Variants in ADH4 observed in about 807,000 individuals in gnomAD.
ADH4 encodes the protein all-trans-retinol dehydrogenase [NAD(+)] ADH4.
In ADH4, 31 loss-of-function variants were observed where a neutral mutation model predicts 35.2. The observed-to-expected ratio is 0.88, with a 90% CI of 0.66 to 1.19. ADH4 has a LOEUF of 1.19. Among genes scored for constraint, ADH4 ranks in the 50% most tolerant of loss-of-function variants. The probability of loss-of-function intolerance (pLI) is 0.00; values close to 1 mark genes in which losing one functional copy is unlikely to be tolerated. For missense variants in ADH4, 476 were observed against 458.3 expected, an observed-to-expected ratio of 1.04 and a Z score of -0.35; for synonymous variants, 171 against 160.2, an observed-to-expected ratio of 1.07 and a Z score of -0.51.
intron 8 of ADH4, among the ~76,000 whole-genome samples, 192 bp from the exon 9 acceptor site, chr4:99,124,658 G>C (rs1315137465): frequency 2.0e-5 from 3 of 152,158 alleles, no homozygotes; most frequent in African/African-American, 7.2e-5. Flanking sequence ...GCATGTGCTA[G>C]TAAACTTGGG....
chr4:99,125,933 C>T (rs29001228), intron 8 of ADH4, among the ~76,000 whole-genome samples: 2,832 of 152,102 alleles, frequency 0.019, 44 homozygotes, highest in Non-Finnish European at 0.03. Context: ...TGTTTTTGAC[C>T]TTTGTTTCTA....
intron 4 of ADH4, among the ~76,000 whole-genome samples, chr4:99,137,050 A>G (rs1174337658): frequency 1.3e-5 from 2 of 152,092 alleles, no homozygotes; most frequent in Admixed American, 1.3e-4. Flanking sequence ...TCCGAGTTCA[A>G]GCGATTTTCC....
intron 2 of ADH4, among the ~76,000 whole-genome samples, chr4:99,141,924 T>G (rs1455757090): frequency 6.6e-6 from 1 of 152,202 alleles, no homozygotes; most frequent in Non-Finnish European, 1.5e-5. Context: ...GAGATAGGAT[T>G]GGCAATTATT....
At chr4:99,143,498 T>C (rs4148886) in intron 1 of ADH4, 100,330 of 285,438 alleles carry the variant, frequency 0.35, 22,087 homozygotes, top group East Asian at 0.89. Context: ...CCTCAAATTA[T>C]ATTTTTAATT....
intron 8 of ADH4, among the ~76,000 whole-genome samples, chr4:99,124,715 A>G (rs911487936): frequency 6.6e-6 from 1 of 152,148 alleles, no homozygotes; most frequent in Admixed American, 6.5e-5. Context: ...CTTGTTACTC[A>G]GTGGTGCTGT....
chr4:99,127,020 G>A (rs768280325), intron 7 of ADH4, among the ~76,000 whole-genome samples, 189 bp downstream of exon 7: 1 of 151,690 alleles, frequency 6.6e-6, no homozygotes, highest in Non-Finnish European at 1.5e-5. Flanking sequence ...ATTTCAATTT[G>A]CAAATTATAA....
At chr4:99,143,208 C>G (rs1343983547) in intron 1 of ADH4, 1 of 702,088 alleles carries the variant, frequency 1.4e-6, no homozygotes, top group Admixed American at 2.0e-5. Flanking sequence ...TTTTACATCT[C>G]TGCAACTCGA....
intron 5 of ADH4, chr4:99,133,508 T>G (rs912395528): frequency 1.3e-5 from 2 of 152,230 alleles, no homozygotes; most frequent in African/African-American, 4.8e-5. Flanking sequence ...TCTTGCCTTT[T>G]GGGCAGAATT....
Position 99,124,257 on chromosome 4 carries a change from A to C in ADH4, c.*185T>G. The C allele has an allele frequency of 2.0e-6, 1 of 507,602 alleles. No homozygotes were observed. The highest frequency in any genetic ancestry group is 3.9e-5 in the East Asian group (1 of 25,332). 31.4% of individuals were successfully genotyped at this position (507,602 alleles called of 1,614,324 possible). A position where few individuals can be genotyped will look rare whatever the true frequency, so the allele number is the denominator to read the frequency against. On this transcript the variant is annotated 3_prime_UTR_variant, in exon 9 of 9. Transcript: ENST00000265512. The stretch of plus-strand genomic sequence containing the variant: ...ACACTAGTTATTATTATTATTTAAC[A>C]TAGGGAATATTCATATATATAACAG...
Position 99,136,693 on chromosome 4 carries a change from G to T in ADH4, c.355C>A (p.Leu119Ile). Reference protein sequence around the residue: ...LTNLCGKISNLKSPASDQQLM... With the variant: ...LTNLCGKISNIKSPASDQQLM... ...TGTTGATCACTAGCAGGACTTTTGAGATTACTAGAAAATTAAAAAAAAGAG... is the reference window on the plus strand; with the variant it reads ...TGTTGATCACTAGCAGGACTTTTGATATTACTAGAAAATTAAAAAAAAGAG... The change falls in exon 5 of 9, where the codon CTC (leucine) becomes ATC (isoleucine). Residue 119 changes from leucine (L) to isoleucine (I), a missense_variant. By Grantham distance (5) the Leu-to-Ile change is conservative (BLOSUM62 2). Coordinates refer to ENST00000265512, the MANE Select transcript of ADH4 (RefSeq NM_000670.5). 2.5e-6 allele frequency: 4 copies of T among 1,597,050 alleles called. No homozygotes were observed. Among genetic ancestry groups the T allele is most frequent in the Non-Finnish European group, 3.4e-6 (4 of 1,168,270 alleles).
chr4:99,134,824 G>C (rs893647273), intron 5 of ADH4, among the ~76,000 whole-genome samples: 2 of 150,624 alleles, frequency 1.3e-5, no homozygotes, highest in Non-Finnish European at 3.0e-5. Flanking sequence ...TCATACTTTG[G>C]TATCTTGGCT....
At chr4:99,125,961 T>C (rs1158989385) in intron 8 of ADH4, among the ~76,000 whole-genome samples, 3 of 151,824 alleles carry the variant, frequency 2.0e-5, no homozygotes, top group Non-Finnish European at 2.9e-5. Flanking sequence ...AGGCTGTGCT[T>C]GAACATTTTA....
chr4:99,136,274 T>C (rs1421662164), intron 5 of ADH4, among the ~76,000 whole-genome samples, 192 bp downstream of exon 5: 1 of 152,216 alleles, frequency 6.6e-6, no homozygotes, highest in African/African-American at 2.4e-5. Flanking sequence ...GTTTTACATA[T>C]ATAATATTAT....
At chr4:99,137,638 C>T (rs1729487364) in intron 4 of ADH4, among the ~76,000 whole-genome samples, 1 of 152,148 alleles carries the variant, frequency 6.6e-6, no homozygotes, top group African/African-American at 2.4e-5. Context: ...ACTCTTAAAA[C>T]ATTTTTGTTG....
At chr4:99,142,628 G>T in intron 2 of ADH4, 51 bp downstream of exon 2, 2 of 1,231,670 alleles carry the variant, frequency 1.6e-6, no homozygotes, top group Non-Finnish European at 2.2e-6. Context: ...CAGAAGCCAG[G>T]TCTCCACTTG....
chr4:99,127,736 G>A (rs1321584166), intron 6 of ADH4, among the ~76,000 whole-genome samples: 1 of 151,962 alleles, frequency 6.6e-6, no homozygotes, highest in Non-Finnish European at 1.5e-5. Context: ...AGCTGAGACT[G>A]GAGAACTGCC....
rs1729616950 is a variant in ADH4 at position 99,141,533 on chromosome 4, T to C, written c.262+8A>G. On this transcript the variant is annotated splice_region_variant and intron_variant, in intron 3 of 8. Transcript: ENST00000265512. ...ACATTTCCATTTTTTCTGAATAAAA[T>C]AAAATACCTGGTTTGACGTTGGTCA... is the stretch of plus-strand genomic sequence containing the variant. 6.2e-7 allele frequency: 1 copy of C among 1,602,772 alleles called. No homozygotes were observed. The highest frequency in any genetic ancestry group is 8.5e-7 in the Non-Finnish European group (1 of 1,175,070).
intron 5 of ADH4, among the ~76,000 whole-genome samples, chr4:99,132,830 A>T (rs29001198): frequency 0.018 from 2,700 of 152,284 alleles, 77 homozygotes; most frequent in African/African-American, 0.06. Context: ...GGTAAGTATT[A>T]ATACATTCTA....
chr4:99,134,196 AT>A (rs1729367975), intron 5 of ADH4, among the ~76,000 whole-genome samples: 1 of 152,168 alleles, frequency 6.6e-6, no homozygotes. Flanking sequence ...AGGTTACAAA[AT>A]TTCGGATAGA....
Sources: allele counts gnomAD v4.1 joint callset (sites outside exome capture counted in the v4.1 genomes callset), GRCh38; gene constraint gnomAD v4.1.1; transcripts MANE v1.5; gene names NCBI Gene and HGNC (gene_info 2026-07-23, HGNC 2026-07-21).